Variants in SH3BGRL2 observed in about 807,000 individuals in gnomAD.
SH3BGRL2 encodes the protein SH3 domain-binding glutamic acid-rich-like protein 2.
SH3BGRL2 carries 21 observed loss-of-function variants against 14.8 expected under a neutral mutation model. That is an observed-to-expected ratio of 1.42 (90% confidence interval 1.01 to 2.05). The LOEUF (loss-of-function observed/expected upper bound fraction) is 2.05, where lower values mean the gene tolerates loss of function less well. Among genes scored for constraint, SH3BGRL2 ranks in the 30% most tolerant of loss-of-function variants. The pLI, the probability that SH3BGRL2 is intolerant of heterozygous loss-of-function variation, is 0.00. For synonymous variants in SH3BGRL2, 50 were observed against 47.8 expected, an observed-to-expected ratio of 1.05 and a Z score of -0.19; for missense variants, 147 against 130.8, an observed-to-expected ratio of 1.12 and a Z score of -0.61.
chr6:79,560,867 C>CTTTTTTTTTTT, the SH3BGRL2 span, among the ~76,000 whole-genome samples: 3 of 45,744 alleles, frequency 6.6e-5, no homozygotes, highest in Non-Finnish European at 1.1e-4. Flanking sequence ...ACAATACACT[C>CTTTTTTTTTTT]TTTTTTTTTT....
chr6:79,618,716 C>T, the SH3BGRL2 span, among the ~76,000 whole-genome samples: 2 of 151,002 alleles, frequency 1.3e-5, no homozygotes, highest in South Asian at 2.1e-4. Context: ...GTCAAGAGTT[C>T]GAGACCAGCC....
At chr6:79,545,191 C>T in the SH3BGRL2 span, among the ~76,000 whole-genome samples, 36 of 152,200 alleles carry the variant, frequency 2.4e-4, 1 homozygote, top group African/African-American at 8.7e-4. Flanking sequence ...GAGAGTTCCT[C>T]CCCTTCTCTG....
chr6:79,637,450 T>C (rs530076369), intron 1 of SH3BGRL2, among the ~76,000 whole-genome samples: 1 of 152,204 alleles, frequency 6.6e-6, no homozygotes, highest in African/African-American at 2.4e-5. Context: ...CCTAGCACTT[T>C]GGGAGGCTGA....
chr6:79,659,123 G>A (rs1769486876), intron 1 of SH3BGRL2, among the ~76,000 whole-genome samples: 2 of 152,116 alleles, frequency 1.3e-5, no homozygotes, highest in Admixed American at 6.5e-5. Flanking sequence ...CTTTTGCCGT[G>A]CAGAAGCTCT....
the SH3BGRL2 span, among the ~76,000 whole-genome samples, chr6:79,573,208 C>T: frequency 6.6e-6 from 1 of 152,058 alleles, no homozygotes; most frequent in Non-Finnish European, 1.5e-5. Flanking sequence ...ATTTTTCCCT[C>T]TGTATAGATA....
At chr6:79,590,437 A>ATATG in the SH3BGRL2 span, among the ~76,000 whole-genome samples, 1 of 88,868 alleles carries the variant, frequency 1.1e-5, no homozygotes, top group Non-Finnish European at 2.5e-5. Flanking sequence ...ATATATATAT[A>ATATG]TATATATATA....
intron 1 of SH3BGRL2, among the ~76,000 whole-genome samples, chr6:79,633,295 A>T (rs542345921): frequency 1.3e-5 from 2 of 152,290 alleles, no homozygotes; most frequent in East Asian, 3.9e-4. Flanking sequence ...AAGGATTTTC[A>T]TGGATAACTC....
At chr6:79,587,638 T>C in the SH3BGRL2 span, among the ~76,000 whole-genome samples, 4 of 152,210 alleles carry the variant, frequency 2.6e-5, no homozygotes, top group Non-Finnish European at 4.4e-5. Flanking sequence ...TATATTACCA[T>C]TGTAGGGCAG....
chr6:79,692,341 G>A (rs368791445), intron 2 of SH3BGRL2, among the ~76,000 whole-genome samples: 1 of 152,116 alleles, frequency 6.6e-6, no homozygotes, highest in Non-Finnish European at 1.5e-5. Context: ...CTTTTGCTGT[G>A]CAGAAGCTCT....
At chr6:79,591,743 T>G in the SH3BGRL2 span, among the ~76,000 whole-genome samples, 258 of 152,296 alleles carry the variant, frequency 1.7e-3, 3 homozygotes, top group Non-Finnish European at 6.8e-4. Context: ...AGGAGTTGGT[T>G]GAAATTGGAG....
the SH3BGRL2 span, among the ~76,000 whole-genome samples, chr6:79,577,701 G>A: frequency 2.0e-5 from 3 of 152,228 alleles, no homozygotes; most frequent in African/African-American, 7.2e-5. Context: ...CTCCCAGTGT[G>A]ATCAATGCAG....
At chr6:79,638,779 A>C (rs1383806213) in intron 1 of SH3BGRL2, among the ~76,000 whole-genome samples, 1 of 151,944 alleles carries the variant, frequency 6.6e-6, no homozygotes, top group Non-Finnish European at 1.5e-5. Context: ...CACTTATCCA[A>C]TTTTAGTTGG....
the SH3BGRL2 span, among the ~76,000 whole-genome samples, chr6:79,625,305 C>A: frequency 6.6e-6 from 1 of 151,650 alleles, no homozygotes; most frequent in African/African-American, 2.4e-5. Flanking sequence ...GTTGAAAGTT[C>A]CATTTAATTG....
At chr6:79,559,822 T>G in the SH3BGRL2 span, among the ~76,000 whole-genome samples, 4 of 152,226 alleles carry the variant, frequency 2.6e-5, no homozygotes, top group East Asian at 1.9e-4. Flanking sequence ...AAAAAAAGAT[T>G]TATGTGTAAT....
chr6:79,695,206 C>A (rs886961618), intron 2 of SH3BGRL2, among the ~76,000 whole-genome samples: 1 of 152,130 alleles, frequency 6.6e-6, no homozygotes, highest in Non-Finnish European at 1.5e-5. Context: ...TTGGCCAAAT[C>A]GCTCTTTTCA....
chr6:79,618,914 C>CAAAAAAA, the SH3BGRL2 span, among the ~76,000 whole-genome samples: 33 of 76,302 alleles, frequency 4.3e-4, 1 homozygote, highest in Middle Eastern at 0.013. Context: ...GAGACTCTGT[C>CAAAAAAA]AAAAAAAAAA....
the SH3BGRL2 span, among the ~76,000 whole-genome samples, chr6:79,616,582 A>C: frequency 7.0e-6 from 1 of 143,496 alleles, no homozygotes; most frequent in African/African-American, 2.5e-5. Flanking sequence ...ATGTTAAGTG[A>C]CTTGCCTGAG....
the SH3BGRL2 span, among the ~76,000 whole-genome samples, chr6:79,622,523 A>C: frequency 1.3e-5 from 2 of 152,308 alleles, no homozygotes; most frequent in Non-Finnish European, 2.9e-5. Flanking sequence ...TGGTTCTCAC[A>C]CAACCACTCA....
chr6:79,581,184 A>T, the SH3BGRL2 span, among the ~76,000 whole-genome samples: 4 of 152,312 alleles, frequency 2.6e-5, no homozygotes, highest in Middle Eastern at 3.4e-3. Flanking sequence ...GACCAGACAG[A>T]TTCACAGCCG....
Sources: gnomAD v4.1 joint callset for allele counts (sites outside exome capture counted in the v4.1 genomes callset) on GRCh38, gnomAD v4.1.1 for gene constraint, MANE v1.5 for transcripts, NCBI Gene and HGNC (gene_info 2026-07-23, HGNC 2026-07-21) for gene names.